The following RGS14 variants were observed in gnomAD, a reference collection of about 807,000 sequenced individuals.
RGS14 encodes the protein regulator of G protein signaling 14.
RGS14 carries 33 observed loss-of-function variants against 63.8 expected under a neutral mutation model. The observed-to-expected ratio is 0.52, with a 90% CI of 0.39 to 0.69. The LOEUF (loss-of-function observed/expected upper bound fraction) is 0.69. Among genes scored for constraint, RGS14 ranks in the 30% least tolerant of loss-of-function variants. The pLI is 0.00. For synonymous variants in RGS14, 296 were observed against 320.9 expected, an observed-to-expected ratio of 0.92 and a Z score of 0.83; for missense variants, 739 against 742.9, an observed-to-expected ratio of 0.99 and a Z score of 0.06.
At chr5:177,366,390 C>T (rs1192312481) in intron 3 of RGS14, 35 bp downstream of exon 3, 9 of 1,504,596 alleles carry the variant, frequency 6.0e-6, no homozygotes, top group Middle Eastern at 2.4e-4. Flanking sequence ...AGGGGGGACA[C>T]GGGAGAGGGC....
rs747655428 is a variant in RGS14, at chr5:177,370,959, G to A, written c.1182G>A (p.Lys394=). Residue 394 remains lysine, a synonymous_variant, in exon 11 of 15, where the codon AAG becomes AAA. Transcript: ENST00000408923. ...TACGAATCTCAGCCAAGCCCACCAA[G>A]CGGCTGCAGGAGGCGCTGCAGCCCA... is the stretch of plus-strand genomic sequence containing the variant. ...RVVRISAKPT[K]RLQEALQPIL... 2.4e-5 allele frequency: 38 copies of A among 1,608,120 alleles called. No homozygotes were observed. The South Asian group carries it at 3.8e-4, about 16-fold the overall frequency.
chr5:177,367,121 A>G, intron 5 of RGS14, 87 bp downstream of exon 5: 2 of 1,491,042 alleles, frequency 1.3e-6, no homozygotes, highest in Non-Finnish European at 9.0e-7. Flanking sequence ...CTGAACTACA[A>G]AGCGGAGGGG....
At chr5:177,362,995 C>T (rs912030511) in intron 1 of RGS14, among the ~76,000 whole-genome samples, 1 of 151,920 alleles carries the variant, frequency 6.6e-6, no homozygotes, top group Non-Finnish European at 1.5e-5. Flanking sequence ...AGGGCAGGGC[C>T]AAGCAGCCCA....
At position 177,371,020 on chromosome 5, in the gene RGS14, GTGC is replaced by G. The variant is rs1377024192; in HGVS notation, c.1247_1249del (p.Leu416del). On this transcript the variant is annotated inframe_deletion, in exon 11 of 15. Coordinates refer to ENST00000408923, the MANE Select transcript of RGS14 (RefSeq NM_006480.5). The surrounding 1 kb of genome is among the most constrained non-coding windows in gnomAD (Gnocchi z 6.1). ...GCACGGCTTGAGCCCGCTAGAGGTGGTGCTGCACCGGGTGAGCTTCCGGGCCGC... is the reference window on the plus strand; with the variant it reads ...GCACGGCTTGAGCCCGCTAGAGGTGGTGCACCGGGTGAGCTTCCGGGCCGC... 4 of 1,570,520 alleles carry G rather than the reference GTGC, an allele frequency of 2.5e-6. No individual in the cohort carries two copies. Among genetic ancestry groups the G allele is most frequent in the Non-Finnish European group, 3.4e-6 (4 of 1,164,848 alleles).
rs777723324 is a variant in RGS14 at position 177,366,873 on chromosome 5, C to T, written c.340-18C>T. ...GGCCACGCTCCCTGACCAACTCCTC[C>T]TGTCCCTCCTCCTTCAGCTAGCTCA... On this transcript the variant is annotated intron_variant, in intron 4 of 14. Transcript: ENST00000408923. 6 of 1,613,390 alleles carry T rather than the reference C, an allele frequency of 3.7e-6. No homozygotes were observed. The highest frequency in any genetic ancestry group is 1.3e-5 in the African/African-American group (1 of 74,938).
In RGS14 at chr5:177,359,228, T is replaced by G. The variant is rs1410780349; in HGVS notation, c.45+1159T>G. Among the ~76,000 whole-genome samples, 1 of 152,134 alleles carries G rather than the reference T, an allele frequency of 6.6e-6. No homozygotes were observed. Among genetic ancestry groups the G allele is most frequent in the Non-Finnish European group, 1.5e-5 (1 of 68,014 alleles). On this transcript the variant is annotated intron_variant, in intron 1 of 14. Transcript: ENST00000408923. The surrounding 1 kb of genome is among the most constrained non-coding windows in gnomAD (Gnocchi z 4.4). Reference sequence around the variant, plus strand: ...TCTTCTTCTTCCAGCATCTCTTTCCTGCCCAGCCCCGGGCTGGCCGGCTGG... The same window carrying G: ...TCTTCTTCTTCCAGCATCTCTTTCCGGCCCAGCCCCGGGCTGGCCGGCTGG...
rs746661074 is a variant in RGS14, at chr5:177,359,346, C to T, written c.45+1277C>T. Among the ~76,000 whole-genome samples the T allele has an allele frequency of 9.9e-5, 15 of 152,192 alleles. No homozygotes were observed. Among genetic ancestry groups the T allele is most frequent in the Admixed American group, 3.9e-4 (6 of 15,282 alleles). ...GAAAGTGCAAAAAGAAAACCCACCT[C>T]CCTTGCATTCCCATGTCACAGGCAT... On this transcript the variant is annotated intron_variant, in intron 1 of 14. Transcript: ENST00000408923. This position sits in a 1 kb window ranked among gnomAD's most constrained non-coding sequence, Gnocchi z 4.4.
chr5:177,357,989 C>T lies in RGS14; in HGVS notation c.-36C>T. 2 of 1,335,728 alleles carry T rather than the reference C, an allele frequency of 1.5e-6. No homozygotes were observed. The highest frequency in any genetic ancestry group is 9.7e-7 in the Non-Finnish European group (1 of 1,035,252). The allele number at this position is 1,335,728 out of a possible 1,614,324, so 82.7% of individuals were successfully genotyped here. ...CGCTGCCCACAGTCCCCATGGTGGG[C>T]AGCCCCCGCGGCGGGGACCCCTGAT... is the stretch of plus-strand genomic sequence containing the variant. On this transcript the variant is annotated 5_prime_UTR_variant, in exon 1 of 15. Coordinates refer to ENST00000408923, the MANE Select transcript of RGS14 (RefSeq NM_006480.5).
In RGS14 at chr5:177,372,027, C is replaced by G; in HGVS notation, c.1653C>G (p.Ala551=). ...CCCCACCACAGACCAAATCAGCAGC[C>G]CAGCCCATCGGGGGATCCTTGAACT... is the stretch of plus-strand genomic sequence containing the variant. The part of the protein sequence containing the change: ...EETPPQTKSA[A]QPIGGSLNST... Residue 551 remains alanine (A), a synonymous_variant, in exon 15 of 15, where the codon GCC becomes GCG. Coordinates refer to ENST00000408923, the MANE Select transcript of RGS14 (RefSeq NM_006480.5). 1 of 1,614,144 alleles carries G rather than the reference C, an allele frequency of 6.2e-7. No individual in the cohort carries two copies. The highest frequency in any genetic ancestry group is 1.1e-5 in the South Asian group (1 of 91,086).
At chr5:177,362,636 G>C (rs1761992859) in intron 1 of RGS14, among the ~76,000 whole-genome samples, 1 of 152,204 alleles carries the variant, frequency 6.6e-6, no homozygotes. Context: ...GGGGTGTGGG[G>C]AAAATAGAAA....
rs764922010 is a variant in RGS14 at position 177,366,720 on chromosome 5, A to G, written c.259A>G (p.Lys87Glu). Residue 87 changes from lysine (K) to glutamate (E), a missense_variant, in exon 4 of 15, where the codon AAG becomes GAG. By Grantham distance (56) the Lys-to-Glu change is moderately conservative. Transcript: ENST00000408923. ...CTTCCCCTCCCAGGAGTTCCTGAAG[A>G]AGGAGTTCAGCGCGGAAAACGTGAC... ...GLAYFTEFLK[K>E]EFSAENVTFW... 6.2e-7 allele frequency: 1 copy of G among 1,614,034 alleles called. No individual in the cohort carries two copies. Among genetic ancestry groups the G allele is most frequent in the East Asian group, 2.2e-5 (1 of 44,874 alleles).
Position 177,368,900 on chromosome 5 carries a change from T to C in RGS14, c.1033T>C (p.Tyr345His). ...CCTCTCTCTACCTGACATCAAGGTCTACCTGGTGGGCAATGAACAGGTGGG... is the reference window on the plus strand; with the variant it reads ...CCTCTCTCTACCTGACATCAAGGTCCACCTGGTGGGCAATGAACAGGTGGG... ...RGLSLPDIKV[Y>H]LVGNEQALVL... Residue 345 changes from tyrosine to histidine, a missense_variant, in exon 9 of 15, where the codon TAC becomes CAC. Coordinates refer to ENST00000408923, the MANE Select transcript of RGS14 (RefSeq NM_006480.5). 6.2e-7 allele frequency: 1 copy of C among 1,614,198 alleles called. No individual in the cohort carries two copies. The highest frequency in any genetic ancestry group is 8.5e-7 in the Non-Finnish European group (1 of 1,180,026).
intron 8 of RGS14, 22 bp from the exon 9 acceptor site, chr5:177,368,695 C>T: frequency 2.5e-6 from 4 of 1,612,618 alleles, no homozygotes; most frequent in Non-Finnish European, 3.4e-6. Flanking sequence ...ACATAATCTC[C>T]CCCACTCCTG....
chr5:177,372,039 G>C lies in RGS14; in HGVS notation c.1665G>C (p.Gly555=). 1 of 1,614,094 alleles carries C rather than the reference G, an allele frequency of 6.2e-7. No homozygotes were observed. Among genetic ancestry groups the C allele is most frequent in the Non-Finnish European group, 8.5e-7 (1 of 1,179,986 alleles). ...PQTKSAAQPI[G]GSLNSTTDSA... ...CCAAATCAGCAGCCCAGCCCATCGG[G>C]GGATCCTTGAACTCCACCACCGACT... Residue 555 remains glycine, a synonymous_variant, in exon 15 of 15, where the codon GGG becomes GGC. Transcript: ENST00000408923.
Position 177,358,418 on chromosome 5 carries a change from G to T in RGS14, c.45+349G>T, listed in dbSNP as rs1329569530. 6.6e-6 allele frequency among the ~76,000 whole-genome samples: 1 copy of T among 152,108 alleles called. No individual in the cohort carries two copies. The highest frequency in any genetic ancestry group is 2.4e-5 in the African/African-American group (1 of 41,414). ...CCTGCCCATCCCCACAGTGGCTCAAGCCCCTACATCCCGCTCAGCCTGAGT... is the reference window on the plus strand; with the variant it reads ...CCTGCCCATCCCCACAGTGGCTCAATCCCCTACATCCCGCTCAGCCTGAGT... On this transcript the variant is annotated intron_variant, in intron 1 of 14. Coordinates refer to ENST00000408923, the MANE Select transcript of RGS14 (RefSeq NM_006480.5). This position sits in a 1 kb window ranked among gnomAD's most constrained non-coding sequence, Gnocchi z 4.8.
At chr5:177,369,022 C>G (rs1762175744) in intron 9 of RGS14, 102 bp downstream of exon 9, 3 of 1,189,468 alleles carry the variant, frequency 2.5e-6, no homozygotes, top group Admixed American at 3.9e-5. Flanking sequence ...AATTCAAGTT[C>G]TAAACCCAAC....
chr5:177,372,225 G>T lies in RGS14; in HGVS notation c.*150G>T, dbSNP rs1201215145. On this transcript the variant is annotated 3_prime_UTR_variant, in exon 15 of 15. Coordinates refer to ENST00000408923, the MANE Select transcript of RGS14 (RefSeq NM_006480.5). Reference sequence around the variant, plus strand: ...CAGGAAGAGCCGGTAGGGGTGGAAAGGGGACTCAGATGAGACACACCCCAC... The same window carrying T: ...CAGGAAGAGCCGGTAGGGGTGGAAATGGGACTCAGATGAGACACACCCCAC... The T allele has an allele frequency of 2.7e-6, 2 of 753,798 alleles. No homozygotes were observed. The highest frequency in any genetic ancestry group is 4.3e-6 in the Non-Finnish European group (2 of 463,364). 46.7% of individuals were successfully genotyped at this position (753,798 alleles called of 1,614,324 possible).
At position 177,367,184 on chromosome 5, in the gene RGS14, T is replaced by C. The variant is rs536822459; in HGVS notation, c.483+150T>C. On this transcript the variant is annotated intron_variant, in intron 5 of 14. Transcript: ENST00000408923. Reference sequence around the variant, plus strand: ...AATGCCGGGGCAGGCAGGGCGGAGCTCAGAGGGCGGTATCAGAGGCACGGG... The same window carrying C: ...AATGCCGGGGCAGGCAGGGCGGAGCCCAGAGGGCGGTATCAGAGGCACGGG... 4.5e-4 allele frequency: 535 copies of C among 1,200,306 alleles called. 5 individuals carry two copies. The African/African-American group carries it at 7.6e-3, about 17-fold the overall frequency. The allele number at this position is 1,200,306 out of a possible 1,614,324, so 74.4% of individuals were successfully genotyped here.
At chr5:177,368,295 G>A (rs1306376603) in intron 8 of RGS14, 29 bp downstream of exon 8, 2 of 1,592,614 alleles carry the variant, frequency 1.3e-6, no homozygotes, top group Admixed American at 1.7e-5. Flanking sequence ...AAGACAAGAT[G>A]CTCTATGGGC....
Sources: allele counts gnomAD v4.1 joint callset (sites outside exome capture counted in the v4.1 genomes callset), GRCh38; gene constraint gnomAD v4.1.1; non-coding constraint Gnocchi (gnomAD v3.1); transcripts MANE v1.5; gene names NCBI Gene and HGNC (gene_info 2026-07-23, HGNC 2026-07-21).